Variants in PIP5K1B observed in about 807,000 individuals in gnomAD.
PIP5K1B encodes phosphatidylinositol 4-phosphate 5-kinase type-1 beta.
Under a neutral mutation model 67.0 loss-of-function variants are expected in PIP5K1B, and 42 were observed. The ratio of observed to expected loss-of-function variants is 0.63; its 90% CI spans 0.49 to 0.81. PIP5K1B has a LOEUF of 0.81. Ranked by LOEUF, PIP5K1B falls within the 30% of genes least tolerant of loss-of-function variation. The pLI is 0.00. For synonymous variants in PIP5K1B, 214 were observed against 231.4 expected (o/e 0.92, Z 0.68); for missense variants, 459 against 646.3 (o/e 0.71, Z 3.14).
At chr9:68,824,011 T>G in intron 4 of PIP5K1B, 1 of 477,914 alleles carries the variant, frequency 2.1e-6, no homozygotes, top group Non-Finnish European at 4.2e-6. Context: ...TGGGTAAAGA[T>G]TCAAGAGCTC....
chr9:68,996,005 C>G (rs978206453), intron 15 of PIP5K1B, among the ~76,000 whole-genome samples: 3 of 152,180 alleles, frequency 2.0e-5, no homozygotes, highest in African/African-American at 7.2e-5. Flanking sequence ...GGTCAGGTTT[C>G]TCTTGTAATG....
intron 12 of PIP5K1B, among the ~76,000 whole-genome samples, chr9:68,925,503 T>C (rs7867240): frequency 0.62 from 93,653 of 152,104 alleles, 32,900 homozygotes; most frequent in Non-Finnish European, 0.77. Flanking sequence ...CCATTTGTAG[T>C]TCCTTTGAGA....
intron 13 of PIP5K1B, among the ~76,000 whole-genome samples, 190 bp downstream of exon 13, chr9:68,935,235 G>T (rs1223521523): frequency 6.6e-6 from 1 of 152,196 alleles, no homozygotes; most frequent in Non-Finnish European, 1.5e-5. Flanking sequence ...GGGAGGCCTA[G>T]GTGGGTGGAT....
chr9:68,771,302 C>T (rs1830660364), intron 2 of PIP5K1B, among the ~76,000 whole-genome samples: 1 of 152,206 alleles, frequency 6.6e-6, no homozygotes, highest in African/African-American at 2.4e-5. Flanking sequence ...TATAAACTCG[C>T]TAGTATCTGT....
chr9:68,925,815 T>TTTTTTTTTTTTA (rs1826669153), intron 12 of PIP5K1B, among the ~76,000 whole-genome samples: 6 of 145,712 alleles, frequency 4.1e-5, no homozygotes, highest in South Asian at 2.3e-4. Context: ...TTTTTTTTTT[T>TTTTTTTTTTTTA]GAGACAGGGT....
chr9:68,770,841 G>A (rs1378979476), intron 2 of PIP5K1B, among the ~76,000 whole-genome samples: 1 of 152,170 alleles, frequency 6.6e-6, no homozygotes. Flanking sequence ...AGTGGGTTTG[G>A]GGTAGAACTG....
intron 4 of PIP5K1B, among the ~76,000 whole-genome samples, chr9:68,863,429 GCA>G (rs755190339): frequency 7.3e-5 from 11 of 151,566 alleles, no homozygotes; most frequent in East Asian, 1.9e-4. Flanking sequence ...ACACACACAC[GCA>G]CACACACACG....
chr9:68,797,071 T>C (rs1301441932), intron 2 of PIP5K1B, among the ~76,000 whole-genome samples: 1 of 152,232 alleles, frequency 6.6e-6, no homozygotes, highest in East Asian at 1.9e-4. Context: ...TATTCATTTT[T>C]TCAATAAATG....
At chr9:68,707,011 T>C (rs1827156004) in intron 1 of PIP5K1B, among the ~76,000 whole-genome samples, 1 of 152,170 alleles carries the variant, frequency 6.6e-6, no homozygotes, top group African/African-American at 2.4e-5. Flanking sequence ...GAAGCTTTGC[T>C]AGAGCATTCC....
intron 2 of PIP5K1B, among the ~76,000 whole-genome samples, chr9:68,802,895 A>G (rs988322000): frequency 6.6e-6 from 1 of 152,190 alleles, no homozygotes; most frequent in Non-Finnish European, 1.5e-5. Context: ...AGGATTTTAA[A>G]GAAGGAGAGT....
rs71353081 is a variant in PIP5K1B, at chr9:68,754,175, C to CTTTTTTTTTTTTTTTTTTTTTTT, written c.-86+11530_-86+11531insTTTTTTTTTTTTTTTTTTTTTTT. Among the ~76,000 whole-genome samples the CTTTTTTTTTTTTTTTTTTTTTTT allele has an allele frequency of 1.6e-3, 162 of 101,044 alleles. 23 individuals are homozygous for CTTTTTTTTTTTTTTTTTTTTTTT. The highest frequency in any genetic ancestry group is 1.8e-3 in the African/African-American group (45 of 24,404). The allele number at this position is 101,044 out of a possible 152,430, so 66.3% of individuals were successfully genotyped here. On this transcript the variant is annotated intron_variant, in intron 2 of 15. Coordinates refer to ENST00000265382, the MANE Select transcript of PIP5K1B (RefSeq NM_003558.4). ...AGTCTTCTTTTATGTTCCATGATTT[C>CTTTTTTTTTTTTTTTTTTTTTTT]TTTTTTTTTTTTGAGACAGAGTCTC...
rs1826163739 is a variant in PIP5K1B at position 68,917,586 on chromosome 9, G to T, written c.810G>T (p.Leu270=). ...TCAAGATCATGGATTATAGCCTTCT[G>T]TTGGGAATTCATTTCCTGGACCATT... ...ESFKIMDYSL[L]LGIHFLDHSL... Residue 270 remains leucine (L), a synonymous_variant, in exon 9 of 16, where the codon CTG becomes CTT. Coordinates refer to ENST00000265382, the MANE Select transcript of PIP5K1B (RefSeq NM_003558.4). 1 of 1,614,038 alleles carries T rather than the reference G, an allele frequency of 6.2e-7. No homozygotes were observed. Among genetic ancestry groups the T allele is most frequent in the Admixed American group, 1.7e-5 (1 of 60,020 alleles).
At position 68,716,899 on chromosome 9, in the gene PIP5K1B, T is replaced by C. The variant is rs11143523; in HGVS notation, c.-243+11137T>C. On this transcript the variant is annotated intron_variant, in intron 1 of 15. Transcript: ENST00000265382. ...TGTGGTATATATACACCATGGAATA[T>C]TATGCAGCCATAAGAAAGAACAAAA... 6.4e-3 allele frequency among the ~76,000 whole-genome samples: 975 copies of C among 152,310 alleles called. 10 individuals are homozygous for C. The highest frequency in any genetic ancestry group is 0.022 in the African/African-American group (918 of 41,558).
chr9:68,789,401 GA>G, intron 2 of PIP5K1B: 1 of 434,634 alleles, frequency 2.3e-6, no homozygotes, highest in Admixed American at 2.8e-5. Flanking sequence ...ACATAGTCCT[GA>G]AATGTGTCCA....
At chr9:68,901,855 G>C (rs575989081) in intron 8 of PIP5K1B, among the ~76,000 whole-genome samples, 1 of 152,162 alleles carries the variant, frequency 6.6e-6, no homozygotes, top group Non-Finnish European at 1.5e-5. Flanking sequence ...AGGTTTTATT[G>C]TGAGAACAGA....
chr9:68,715,739 C>T (rs575644959), intron 1 of PIP5K1B, among the ~76,000 whole-genome samples: 3 of 152,140 alleles, frequency 2.0e-5, no homozygotes, highest in East Asian at 1.9e-4. Context: ...AAATCCTTTT[C>T]GTAAATTCCC....
chr9:68,864,938 A>G (rs1280373748), intron 5 of PIP5K1B, among the ~76,000 whole-genome samples: 1 of 152,146 alleles, frequency 6.6e-6, no homozygotes, highest in African/African-American at 2.4e-5. Context: ...AAAAATCTAT[A>G]TGTATCTTTA....
chr9:68,961,740 A>T (rs1193101948), intron 14 of PIP5K1B, among the ~76,000 whole-genome samples: 24 of 152,112 alleles, frequency 1.6e-4, no homozygotes. Context: ...TACCCTCCTT[A>T]TCTCCTTATT....
At position 68,835,210 on chromosome 9, in the gene PIP5K1B, A is replaced by AGAGGAGTG. The variant is rs1244654371; in HGVS notation, c.69+12527_69+12528insGAGGAGTG. 2.6e-5 allele frequency among the ~76,000 whole-genome samples: 4 copies of AGAGGAGTG among 152,386 alleles called. No homozygotes were observed. The East Asian group carries it at 7.7e-4, about 29-fold the overall frequency. ...AATCAACTGTATCCCTCTCAAAATC[A>AGAGGAGTG]TAGAGGAGTGTAGACTTTATAGCTG... On this transcript the variant is annotated intron_variant, in intron 4 of 15. Transcript: ENST00000265382.
Sources: gnomAD v4.1 joint callset for allele counts (sites outside exome capture counted in the v4.1 genomes callset) on GRCh38, gnomAD v4.1.1 for gene constraint, MANE v1.5 for transcripts, NCBI Gene and HGNC (gene_info 2026-07-23, HGNC 2026-07-21) for gene names.